Variants in TTC34 observed in about 807,000 individuals in gnomAD.
TTC34 encodes tetratricopeptide repeat domain 34.
In TTC34, 44 loss-of-function variants were observed where a neutral mutation model predicts 40.7. That is an observed-to-expected ratio of 1.08 (90% CI 0.85 to 1.39). The LOEUF (loss-of-function observed/expected upper bound fraction) is 1.39, where lower values mean the gene tolerates loss of function less well. TTC34 is among the 40% of genes most tolerant of loss of function. TTC34 has a pLI of 0.00. For missense variants in TTC34, 884 were observed against 838.0 expected (o/e 1.05, Z -0.68); for synonymous variants, 422 against 398.6 (o/e 1.06, Z -0.70).
At chr1:2,755,523 G>A (rs1641474638) in intron 6 of TTC34, among the ~76,000 whole-genome samples, 1 of 92,346 alleles carries the variant, frequency 1.1e-5, no homozygotes, top group Non-Finnish European at 1.9e-5. Context: ...GCATCTGACA[G>A]CCTGGAACAG....
At chr1:2,700,214 C>A (rs576553342) in intron 6 of TTC34, among the ~76,000 whole-genome samples, 1 of 93,434 alleles carries the variant, frequency 1.1e-5, no homozygotes, top group African/African-American at 3.1e-5. Context: ...GCCGACCCCC[C>A]CAGGGTGAGC....
At chr1:2,651,270 C>T (rs1319221250) in intron 6 of TTC34, among the ~76,000 whole-genome samples, 1 of 151,896 alleles carries the variant, frequency 6.6e-6, no homozygotes, top group Non-Finnish European at 1.5e-5. Context: ...ACAGCATTCT[C>T]CAATCCCAGG....
Position 2,748,566 on chromosome 1 carries a change from TGCGAGCATCTGACAGC to T in TTC34, c.2226+35027_2226+35042del, listed in dbSNP as rs1641220808. On this transcript the variant is annotated intron_variant, in intron 6 of 8. Transcript: ENST00000401095. The stretch of plus-strand genomic sequence containing the variant: ...GCCTGGAACAGCAACCACACCACCA[TGCGAGCATCTGACAGC>T]CTGGAGCAGCACCCACACCCCCAGG... 1.9e-3 allele frequency among the ~76,000 whole-genome samples: 87 copies of T among 46,454 alleles called. 2 individuals carry two copies. The highest frequency in any genetic ancestry group is 9.1e-3 in the African/African-American group (77 of 8,458). The allele number at this position is 46,454 out of a possible 152,430, so 30.5% of individuals were successfully genotyped here.
intron 2 of TTC34, among the ~76,000 whole-genome samples, chr1:2,791,746 A>G (rs1643665693): frequency 6.6e-6 from 1 of 152,054 alleles, no homozygotes; most frequent in African/African-American, 2.4e-5. Flanking sequence ...CAGCCAGGGG[A>G]GAACCCTTGG....
At chr1:2,780,152 G>A (rs1643458635) in intron 6 of TTC34, among the ~76,000 whole-genome samples, 2 of 152,240 alleles carry the variant, frequency 1.3e-5, no homozygotes, top group South Asian at 4.1e-4. Context: ...TTGTTGTTGA[G>A]TTTTAGGACT....
At chr1:2,755,513 G>A (rs1482372707) in intron 6 of TTC34, among the ~76,000 whole-genome samples, 32 of 93,032 alleles carry the variant, frequency 3.4e-4, no homozygotes, top group Admixed American at 3.2e-3. Flanking sequence ...CCACAGGTGA[G>A]CATCTGACAG....
At chr1:2,651,901 A>T (rs186677635) in intron 6 of TTC34, among the ~76,000 whole-genome samples, 6 of 152,168 alleles carry the variant, frequency 3.9e-5, no homozygotes, top group African/African-American at 1.4e-4. Context: ...TGAGCAGCTG[A>T]GAAACTAAGT....
exon 9 of TTC34, chr1:2,638,237 C>T (rs1361592463): frequency 3.9e-5 from 6 of 152,130 alleles, no homozygotes; most frequent in Non-Finnish European, 8.8e-5. Context: ...CACCAAAATG[C>T]TCGTAAGATG....
intron 6 of TTC34, among the ~76,000 whole-genome samples, chr1:2,687,318 C>A (rs1369270572): frequency 1.1e-5 from 1 of 87,374 alleles, no homozygotes; most frequent in Non-Finnish European, 2.1e-5. Flanking sequence ...TGGAACAGCA[C>A]CCCAAACCCA....
intron 6 of TTC34, among the ~76,000 whole-genome samples, chr1:2,691,424 T>C (rs1483729188): frequency 3.2e-4 from 11 of 34,682 alleles, no homozygotes; most frequent in Admixed American, 8.6e-4. Flanking sequence ...CACCCACACC[T>C]GCAGGCGAGC....
At chr1:2,648,647 G>A (rs1262305980) in intron 6 of TTC34, among the ~76,000 whole-genome samples, 1 of 147,028 alleles carries the variant, frequency 6.8e-6, no homozygotes, top group Non-Finnish European at 1.5e-5. Context: ...GCATCTTACA[G>A]CCTGGAACAG....
intron 6 of TTC34, among the ~76,000 whole-genome samples, chr1:2,684,787 G>C (rs1395861500): frequency 8.1e-6 from 1 of 122,990 alleles, no homozygotes; most frequent in East Asian, 2.5e-4. Flanking sequence ...GCCTGGAACA[G>C]CACCCACACC....
intron 6 of TTC34, among the ~76,000 whole-genome samples, chr1:2,754,751 A>G (rs1376256649): frequency 0.1 from 11,300 of 108,724 alleles, 19 homozygotes; most frequent in South Asian, 0.19. Flanking sequence ...CCAGGTGCGC[A>G]TGTGATGGTC....
intron 6 of TTC34, among the ~76,000 whole-genome samples, chr1:2,688,040 C>G (rs1640447211): frequency 1.5e-5 from 2 of 136,042 alleles, no homozygotes; most frequent in African/African-American, 3.0e-5. Flanking sequence ...TGTAACAGCA[C>G]CCACACCCCC....
exon 2 of TTC34, chr1:2,800,426 C>T (rs1407181993): frequency 1.3e-5 from 5 of 398,364 alleles, no homozygotes; most frequent in Admixed American, 4.4e-5. Context: ...CCAGGACTTG[C>T]TGTGCATGAG....
chr1:2,778,672 AG>A (rs1643406769), intron 6 of TTC34, among the ~76,000 whole-genome samples: 2 of 152,224 alleles, frequency 1.3e-5, no homozygotes, highest in Non-Finnish European at 2.9e-5. Flanking sequence ...GCATATCCCC[AG>A]GGTGCCTCCT....
chr1:2,750,004 T>A (rs1268437329), intron 6 of TTC34, among the ~76,000 whole-genome samples: 2 of 6,830 alleles, frequency 2.9e-4, no homozygotes, highest in Non-Finnish European at 5.2e-4. Context: ...AGCACCCACA[T>A]CCCCAGGCGA....
chr1:2,691,672 G>C lies in TTC34; in HGVS notation c.2227-46109C>G, dbSNP rs1640625054. ...TGGAACAGCACCGACACCCCCAGGT[G>C]AGCATCTGACGGCCTGCAACAGCAC... On this transcript the variant is annotated intron_variant, in intron 6 of 8. Transcript: ENST00000401095. 1.9e-4 allele frequency among the ~76,000 whole-genome samples: 18 copies of C among 96,434 alleles called. 4 individuals are homozygous for C. In the Admixed American group the frequency reaches 1.9e-3, roughly 10 times the overall value. The allele number at this position is 96,434 out of a possible 152,430, so 63.3% of individuals were successfully genotyped here.
At chr1:2,750,188 G>C (rs1641268767) in intron 6 of TTC34, among the ~76,000 whole-genome samples, 1 of 152,110 alleles carries the variant, frequency 6.6e-6, no homozygotes, top group African/African-American at 2.4e-5. Flanking sequence ...CTGACAGCCT[G>C]GGTCGGCACC....
Sources: gnomAD v4.1 joint callset for allele counts (sites outside exome capture counted in the v4.1 genomes callset) on GRCh38, gnomAD v4.1.1 for gene constraint, MANE v1.5 for transcripts, NCBI Gene and HGNC (gene_info 2026-07-23, HGNC 2026-07-21) for gene names.